Variants in AVPR2 observed in about 807,000 individuals in gnomAD.
AVPR2 encodes arginine vasopressin receptor 2.
AVPR2 carries 3 observed loss-of-function variants against 12.0 expected under a neutral mutation model. The observed-to-expected ratio is 0.25, with a 90% CI of 0.11 to 0.64. The LOEUF (loss-of-function observed/expected upper bound fraction) is 0.64, where lower values mean the gene tolerates loss of function less well. AVPR2 is among the 30% of genes least tolerant of loss of function. AVPR2 has a pLI of 0.84. For missense variants in AVPR2, 279 were observed against 347.9 expected (o/e 0.80, Z 1.58); for synonymous variants, 143 against 147.5 (o/e 0.97, Z 0.22).
chrX:153,905,194 C>G (rs782471209), intron 2 of AVPR2, 24 bp downstream of exon 2: 24 of 1,209,591 alleles, frequency 2.0e-5, no homozygotes, highest in Non-Finnish European at 2.7e-5. Context: ...CTCCATGAGT[C>G]CGGTGGGCAG....
At chrX:153,904,817 C>T (rs2064951242) in intron 1 of AVPR2, 46 bp downstream of exon 1, 3 of 390,825 alleles carry the variant, frequency 7.7e-6, no homozygotes, top group Non-Finnish European at 9.1e-6. Flanking sequence ...CCCCAGCCCT[C>T]GGATGGTGGC....
rs932854958 is a variant in AVPR2 at position 153,906,774 on chromosome X, T to G, written c.*46T>G. The stretch of plus-strand genomic sequence containing the variant: ...CTCTAGAGGCTTTGAGAAGCTCAGC[T>G]GCCTTCCTGGGGCTGGTCCTGGGAG... On this transcript the variant is annotated 3_prime_UTR_variant, in exon 4 of 4. Coordinates refer to ENST00000646375, the MANE Select transcript of AVPR2 (RefSeq NM_000054.7). 2 of 1,145,725 alleles carry G rather than the reference T, an allele frequency of 1.7e-6. No individual in the cohort carries two copies. The highest frequency in any genetic ancestry group is 1.8e-5 in the African/African-American group (1 of 56,152). The allele number at this position is 1,145,725 out of a possible 1,213,427, so 94.4% of individuals were successfully genotyped here. A position where few individuals can be genotyped will look rare whatever the true frequency, so the allele number is the denominator to read the frequency against.
Position 153,905,135 on chromosome X carries a change from C to T in AVPR2, c.-11C>T. ...CCTCCAGGCCCTCAGAACACCTGCC[C>T]CAGCCCCACCATGCTCATGGCGTCC... is the stretch of plus-strand genomic sequence containing the variant. On this transcript the variant is annotated 5_prime_UTR_variant, in exon 2 of 4. Coordinates refer to ENST00000646375, the MANE Select transcript of AVPR2 (RefSeq NM_000054.7). 4 of 1,212,106 alleles carry T rather than the reference C, an allele frequency of 3.3e-6. No individual in the cohort carries two copies. The highest frequency in any genetic ancestry group is 4.5e-6 in the Non-Finnish European group (4 of 895,460).
In AVPR2 at chrX:153,906,811, G is replaced by A; in HGVS notation, c.*83G>A. ...GCTGGTCCTGGGAGCCACTGGGAGG[G>A]GGACCCGTGGAGAATTGGCCAGAGC... is the stretch of plus-strand genomic sequence containing the variant. On this transcript the variant is annotated 3_prime_UTR_variant, in exon 4 of 4. Coordinates refer to ENST00000646375, the MANE Select transcript of AVPR2 (RefSeq NM_000054.7). 2.0e-6 allele frequency: 2 copies of A among 990,642 alleles called. No individual in the cohort carries two copies. The highest frequency in any genetic ancestry group is 2.8e-6 in the Non-Finnish European group (2 of 711,015). 81.6% of individuals were successfully genotyped at this position (990,642 alleles called of 1,213,427 possible).
upstream of AVPR2, chrX:153,902,649 A>G (rs1041965669): frequency 6.7e-5 from 22 of 328,690 alleles, no homozygotes; most frequent in Non-Finnish European, 1.1e-4. Context: ...GTCCTGGCTG[A>G]GCAGAATGGC....
Position 153,904,992 on chromosome X carries a change from C to CT in AVPR2, c.-154_-153insT. The CT allele has an allele frequency of 1.9e-6, 1 of 533,190 alleles. No individual in the cohort carries two copies. The highest frequency in any genetic ancestry group is 2.8e-6 in the Non-Finnish European group (1 of 356,973). The allele number at this position is 533,190 out of a possible 1,213,427, so 43.9% of individuals were successfully genotyped here. A position where few individuals can be genotyped will look rare whatever the true frequency, so the allele number is the denominator to read the frequency against. On this transcript the variant is annotated 5_prime_UTR_variant, in exon 2 of 4. The change creates a premature stop within an existing upstream ORF in the 5' untranslated region. Coordinates refer to ENST00000646375, the MANE Select transcript of AVPR2 (RefSeq NM_000054.7). ...TGCCCAGGACTGGCCATACTGCCACCGACACGTGCACACACGCCAACAGGC... is the reference window on the plus strand; with the variant it reads ...TGCCCAGGACTGGCCATACTGCCACCTGACACGTGCACACACGCCAACAGGC...
Position 153,905,025 on chromosome X carries a change from A to C in AVPR2, c.-121A>C. On this transcript the variant is annotated 5_prime_UTR_variant, in exon 2 of 4. It removes an upstream start codon present in the reference 5' UTR. Coordinates refer to ENST00000646375, the MANE Select transcript of AVPR2 (RefSeq NM_000054.7). ...GCACACACGCCAACAGGCATCTGCCATGCTGGCATCTCTATAAGGGCTCCA... is the reference window on the plus strand; with the variant it reads ...GCACACACGCCAACAGGCATCTGCCCTGCTGGCATCTCTATAAGGGCTCCA... 9.7e-7 allele frequency: 1 copy of C among 1,025,784 alleles called. No homozygotes were observed. The allele number at this position is 1,025,784 out of a possible 1,213,427, so 84.5% of individuals were successfully genotyped here. A position where few individuals can be genotyped will look rare whatever the true frequency, so the allele number is the denominator to read the frequency against.
chrX:153,905,243 G>C, intron 2 of AVPR2, 73 bp downstream of exon 2: 1 of 1,180,042 alleles, frequency 8.5e-7, no homozygotes, highest in Non-Finnish European at 1.2e-6. Context: ...TCTTTCTAAA[G>C]ACCTCCTTCA....
At position 153,906,205 on chromosome X, in the gene AVPR2, T is replaced by A; in HGVS notation, c.699T>A (p.His233Gln). ...ACQVLIFREI[H>Q]ASLVPGPSER... ...AGGTGCTCATCTTCCGGGAGATTCA[T>A]GCCAGTCTGGTGCCAGGGCCATCAG... Residue 233 changes from histidine to glutamine, a missense_variant, in exon 3 of 4, where the codon CAT becomes CAA. Transcript: ENST00000646375. 8.2e-7 allele frequency: 1 copy of A among 1,212,349 alleles called. No individual in the cohort carries two copies. Among genetic ancestry groups the A allele is most frequent in the Non-Finnish European group, 1.1e-6 (1 of 895,613 alleles).
chrX:153,905,387 GTGT>G (rs2064955053), intron 2 of AVPR2, 142 bp from the exon 3 acceptor site: 2 of 803,995 alleles, frequency 2.5e-6, no homozygotes, highest in Non-Finnish European at 3.6e-6. Flanking sequence ...AGCCTGGGGT[GTGT>G]ATCCCTCATA....
chrX:153,904,706 T>C lies in AVPR2; in HGVS notation c.-238T>C, dbSNP rs1472133165. On this transcript the variant is annotated 5_prime_UTR_variant, in exon 1 of 4. It removes an upstream start codon present in the reference 5' UTR. Transcript: ENST00000646375. Reference sequence around the variant, plus strand: ...GGCTGGGCCAGGGCAGGGCAGCCGATGGAGAGCAGATCTGAGCACCCAGCC... The same window carrying C: ...GGCTGGGCCAGGGCAGGGCAGCCGACGGAGAGCAGATCTGAGCACCCAGCC... The C allele has an allele frequency of 2.8e-5, 6 of 217,083 alleles. No homozygotes were observed. The highest frequency in any genetic ancestry group is 5.2e-5 in the Non-Finnish European group (6 of 116,238). The allele number at this position is 217,083 out of a possible 1,213,427, so 17.9% of individuals were successfully genotyped here. A position where few individuals can be genotyped will look rare whatever the true frequency, so the allele number is the denominator to read the frequency against.
rs1557100725 is a variant in AVPR2, at chrX:153,906,025, C to G, written c.519C>G (p.Pro173=). ...AWAFSLLLSL[P]QLFIFAQRNV... ...CCTTCTCGCTCCTTCTCAGCCTGCC[C>G]CAGCTCTTCATCTTCGCCCAGCGCA... The change falls in exon 3 of 4, where the codon CCC becomes CCG. Residue 173 remains proline, a synonymous_variant. Coordinates refer to ENST00000646375, the MANE Select transcript of AVPR2 (RefSeq NM_000054.7). 8.3e-7 allele frequency: 1 copy of G among 1,208,668 alleles called. No homozygotes were observed. The highest frequency in any genetic ancestry group is 3.0e-5 in the East Asian group (1 of 33,868).
chrX:153,904,233 G>A (rs782253794), upstream of AVPR2, among the ~76,000 whole-genome samples: 4 of 111,789 alleles, frequency 3.6e-5, no homozygotes, highest in African/African-American at 1.3e-4. Flanking sequence ...CCTGTCCCTC[G>A]TCTCCGGCCA....
At chrX:153,903,198 G>T (rs1486227470), upstream of AVPR2, among the ~76,000 whole-genome samples, 1 of 112,999 alleles carries the variant, frequency 8.8e-6, no homozygotes, top group Non-Finnish European at 1.9e-5. Context: ...CATTAGGAAG[G>T]CCTTTTCTAT....
At chrX:153,902,868 G>C (rs1557099721), upstream of AVPR2, 2 of 296,796 alleles carry the variant, frequency 6.7e-6, no homozygotes, top group Admixed American at 6.6e-5. Flanking sequence ...CTGATAAGGA[G>C]ATGGTTGTCT....
rs1557100880 is a variant in AVPR2 at position 153,906,294 on chromosome X, C to T, written c.788C>T (p.Ser263Leu). ...AGCCCCGGTGAGGGAGCCCACGTGT[C>T]AGCAGCTGTGGCCAAGACTGTGAGG... ...TGSPGEGAHV[S>L]AAVAKTVRMT... The change falls in exon 3 of 4, where the codon TCA (serine) becomes TTA (leucine). Residue 263 changes from serine to leucine, a missense_variant. By Grantham distance (145) the Ser-to-Leu change is moderately radical. Transcript: ENST00000646375. 2 of 1,212,361 alleles carry T rather than the reference C, an allele frequency of 1.6e-6. No individual in the cohort carries two copies. The highest frequency in any genetic ancestry group is 2.2e-6 in the Non-Finnish European group (2 of 895,601).
In AVPR2 at chrX:153,906,244, GCGCCGCAGGGGA is replaced by G. The variant is rs782681085; in HGVS notation, c.744_755del (p.Arg249_Arg252del). Reference sequence around the variant, plus strand: ...CAGGGCCATCAGAGAGGCCTGGGGGGCGCCGCAGGGGACGCCGGACAGGCAGCCCCGGTGAGG... The same window carrying G: ...CAGGGCCATCAGAGAGGCCTGGGGGGCGCCGGACAGGCAGCCCCGGTGAGG... On this transcript the variant is annotated inframe_deletion, in exon 3 of 4. Transcript: ENST00000646375. 2,753 of 1,211,114 alleles carry G rather than the reference GCGCCGCAGGGGA, an allele frequency of 2.3e-3. 2 individuals are homozygous for G. The highest frequency in any genetic ancestry group is 2.6e-3 in the Non-Finnish European group (2,291 of 895,339).
rs34709504 is a variant in AVPR2 at position 153,906,255 on chromosome X, G to A, written c.749G>A (p.Gly250Glu). The change falls in exon 3 of 4, where the codon GGA (glycine) becomes GAA (glutamate). Residue 250 changes from glycine (G) to glutamate (E), a missense_variant. Transcript: ENST00000646375. ...GAGAGGCCTGGGGGGCGCCGCAGGG[G>A]ACGCCGGACAGGCAGCCCCGGTGAG... Reference protein sequence around the residue: ...PSERPGGRRRGRRTGSPGEGA... With the variant: ...PSERPGGRRRERRTGSPGEGA... The A allele has an allele frequency of 8.2e-5, 99 of 1,206,484 alleles. No homozygotes were observed. The East Asian group carries it at 2.9e-3, about 35-fold the overall frequency.
In AVPR2 at chrX:153,905,570, A is replaced by G; in HGVS notation, c.64A>G (p.Asn22Asp). The change falls in exon 3 of 4, where the codon AAC becomes GAC. Residue 22 changes from asparagine (N) to aspartate (D), a missense_variant. Physicochemically the swap from Asn to Asp is conservative, Grantham distance 23 (BLOSUM62 1). Coordinates refer to ENST00000646375, the MANE Select transcript of AVPR2 (RefSeq NM_000054.7). ...GHPSLPSLPS[N>D]SSQERPLDTR... ...TCCCTCTCTGCCCAGCCTGCCCAGC[A>G]ACAGCAGCCAGGAGAGGCCACTGGA... 8.3e-7 allele frequency: 1 copy of G among 1,202,448 alleles called. No homozygotes were observed. The highest frequency in any genetic ancestry group is 1.1e-6 in the Non-Finnish European group (1 of 891,158).
Sources: gnomAD v4.1 joint callset for allele counts (sites outside exome capture counted in the v4.1 genomes callset) on GRCh38, gnomAD v4.1.1 for gene constraint, MANE v1.5 for transcripts, NCBI Gene and HGNC (gene_info 2026-07-23, HGNC 2026-07-21) for gene names.